MCC: variants seen among roughly 807,000 people sequenced by gnomAD.
MCC encodes colorectal mutant cancer protein.
In MCC, 90 loss-of-function variants were observed where a neutral mutation model predicts 116.2. The ratio of observed to expected loss-of-function variants is 0.77; its 90% CI spans 0.65 to 0.92. The LOEUF (loss-of-function observed/expected upper bound fraction) is 0.92. MCC is among the 40% of genes least tolerant of loss of function. The pLI is 0.00. For missense variants in MCC, 1,516 were observed against 1,312.2 expected, an observed-to-expected ratio of 1.16 and a Z score of -2.40; for synonymous variants, 578 against 510.5, an observed-to-expected ratio of 1.13 and a Z score of -1.78.
intron 8 of MCC, among the ~76,000 whole-genome samples, chr5:113,090,859 G>T (rs1264024950): frequency 6.6e-6 from 1 of 152,240 alleles, no homozygotes; most frequent in Non-Finnish European, 1.5e-5. Flanking sequence ...GGAACAATGA[G>T]AAATAAATTC....
At chr5:113,407,165 C>G (rs1014977402) in intron 1 of MCC, among the ~76,000 whole-genome samples, 2 of 152,162 alleles carry the variant, frequency 1.3e-5, no homozygotes, top group Non-Finnish European at 2.9e-5. Flanking sequence ...TTGTGCTCAG[C>G]AATTGACATA....
intron 1 of MCC, among the ~76,000 whole-genome samples, chr5:113,423,388 T>C (rs1239491380): frequency 1.3e-5 from 2 of 152,212 alleles, no homozygotes; most frequent in Non-Finnish European, 2.9e-5. Flanking sequence ...AAAGAACCTA[T>C]ACATAACACA....
intron 1 of MCC, among the ~76,000 whole-genome samples, chr5:113,457,430 C>G (rs576635833): frequency 8.5e-5 from 13 of 152,246 alleles, no homozygotes; most frequent in Admixed American, 6.5e-4. Flanking sequence ...CCTACCCCCG[C>G]CTCCGTGGGC....
chr5:113,032,924 C>T (rs536581579), intron 17 of MCC, among the ~76,000 whole-genome samples: 17 of 152,320 alleles, frequency 1.1e-4, no homozygotes, highest in African/African-American at 3.6e-4. Flanking sequence ...TACCCTATAA[C>T]GTCTAAAAAG....
intron 1 of MCC, among the ~76,000 whole-genome samples, chr5:113,412,180 T>C (rs1433873554): frequency 1.3e-5 from 2 of 152,228 alleles, no homozygotes. Context: ...TGTAGCCTTA[T>C]AGTATAGTTT....
chr5:113,203,020 G>A (rs1246653275), intron 3 of MCC, among the ~76,000 whole-genome samples: 1 of 152,088 alleles, frequency 6.6e-6, no homozygotes, highest in Non-Finnish European at 1.5e-5. Context: ...GAACTTCTGA[G>A]CCACCAAGCC....
chr5:113,128,991 T>C (rs920692190), intron 5 of MCC, among the ~76,000 whole-genome samples: 2 of 152,192 alleles, frequency 1.3e-5, no homozygotes, highest in African/African-American at 2.4e-5. Flanking sequence ...ATCAAGCTCC[T>C]AGTGCAGGCC....
At chr5:113,330,708 T>C (rs1581404013) in intron 3 of MCC, among the ~76,000 whole-genome samples, 1 of 152,286 alleles carries the variant, frequency 6.6e-6, no homozygotes, top group Non-Finnish European at 1.5e-5. Flanking sequence ...GCAAAGGAAG[T>C]GGTAATTGCC....
At chr5:113,384,821 C>A in intron 2 of MCC, 147 bp downstream of exon 2, 1 of 801,572 alleles carries the variant, frequency 1.2e-6, no homozygotes, top group Non-Finnish European at 2.0e-6. Flanking sequence ...AAACAGTGAG[C>A]ACTCCCCCAG....
chr5:113,053,076 CTTG>C (rs1172779481), intron 15 of MCC, among the ~76,000 whole-genome samples: 8 of 152,206 alleles, frequency 5.3e-5, no homozygotes, highest in Non-Finnish European at 1.2e-4. Flanking sequence ...AAAGTGATGT[CTTG>C]TTGTAGGTAT....
At chr5:113,162,755 T>A (rs1216728283) in intron 3 of MCC, among the ~76,000 whole-genome samples, 1 of 152,060 alleles carries the variant, frequency 6.6e-6, no homozygotes, top group African/African-American at 2.4e-5. Context: ...CACCTTAGCC[T>A]CTCAAAGTGC....
At position 113,101,861 on chromosome 5, in the gene MCC, C is replaced by A. The variant is rs189632760; in HGVS notation, c.1276G>T (p.Ala426Ser). Residue 426 changes from alanine (A) to serine (S), a missense_variant, in exon 8 of 19, where the codon GCT becomes TCT. Transcript: ENST00000408903. ...CTCTCATTCTCTTCCCTCAGCCCAG[C>A]CAGCTCCTTCTCCCACCGAGACCTC... The part of the protein sequence containing the change: ...EERSRWEKEL[A>S]GLREENESLT... The A allele has an allele frequency of 2.5e-6, 4 of 1,605,130 alleles. No homozygotes were observed. The highest frequency in any genetic ancestry group is 2.2e-5 in the East Asian group (1 of 44,504).
intron 2 of MCC, among the ~76,000 whole-genome samples, chr5:113,346,151 A>G (rs1423695078): frequency 6.6e-6 from 1 of 152,172 alleles, no homozygotes; most frequent in Admixed American, 6.5e-5. Flanking sequence ...GAGCTTGGAG[A>G]GGGGTGACAC....
At chr5:113,357,921 A>G (rs1294821260) in intron 2 of MCC, among the ~76,000 whole-genome samples, 1 of 152,236 alleles carries the variant, frequency 6.6e-6, no homozygotes, top group East Asian at 1.9e-4. Context: ...CAAGTTGCCC[A>G]CTGGCCTTCT....
chr5:113,315,512 T>C (rs1767256908), intron 3 of MCC, among the ~76,000 whole-genome samples: 1 of 152,056 alleles, frequency 6.6e-6, no homozygotes, highest in Non-Finnish European at 1.5e-5. Context: ...GTTTGAATTA[T>C]GTTAAGTAAT....
intron 2 of MCC, among the ~76,000 whole-genome samples, chr5:113,361,384 G>C (rs1768544286): frequency 6.6e-6 from 1 of 151,702 alleles, no homozygotes; most frequent in Non-Finnish European, 1.5e-5. Flanking sequence ...AAAATTCTTA[G>C]AATGGATGCT....
chr5:113,243,439 G>C (rs768235418), intron 3 of MCC, among the ~76,000 whole-genome samples: 2 of 152,058 alleles, frequency 1.3e-5, no homozygotes, highest in Non-Finnish European at 2.9e-5. Flanking sequence ...CTCTCACCTT[G>C]ACCACATTCC....
Position 113,331,519 on chromosome 5 carries a change from C to A in MCC, c.627+9000G>T, listed in dbSNP as rs1040302821. Among the ~76,000 whole-genome samples, 6 of 151,684 alleles carry A rather than the reference C, an allele frequency of 4.0e-5. 1 individual carries two copies. Among genetic ancestry groups the A allele is most frequent in the African/African-American group, 1.5e-4 (6 of 40,996 alleles). On this transcript the variant is annotated intron_variant, in intron 3 of 18. Transcript: ENST00000408903. ...GATATTTTGATCTGGGCCTCCATAT[C>A]CCTGTTTTTAAAATAAAAAGGTTAG...
At chr5:113,442,113 C>A (rs1771058529) in intron 1 of MCC, among the ~76,000 whole-genome samples, 1 of 152,132 alleles carries the variant, frequency 6.6e-6, no homozygotes, top group Non-Finnish European at 1.5e-5. Context: ...TTTACACTCC[C>A]ATCAGCAGTG....
Sources: allele counts gnomAD v4.1 joint callset (sites outside exome capture counted in the v4.1 genomes callset), GRCh38; gene constraint gnomAD v4.1.1; transcripts MANE v1.5; gene names NCBI Gene and HGNC (gene_info 2026-07-23, HGNC 2026-07-21).